The following RERE variants were observed in gnomAD, a reference collection of about 807,000 sequenced individuals.
The protein encoded by RERE is arginine-glutamic acid dipeptide repeats protein.
In RERE, 40 loss-of-function variants were observed where a neutral mutation model predicts 146.1. The ratio of observed to expected loss-of-function variants is 0.27; its 90% confidence interval spans 0.21 to 0.36. The LOEUF is 0.36. RERE is among the 10% of genes least tolerant of loss of function. The pLI, the probability that RERE is intolerant of heterozygous loss-of-function variation, is 1.00. For missense variants in RERE, 1,933 were observed against 2,138.7 expected (o/e 0.90, Z 1.90); for synonymous variants, 1,003 against 866.0 (o/e 1.16, Z -2.78).
rs1194707622 is a variant in RERE at position 8,361,402 on chromosome 1, T to C, written c.2105A>G (p.Lys702Arg). The change falls in exon 18 of 23, where the codon AAA (lysine) becomes AGA (arginine). Residue 702 changes from lysine (K) to arginine (R), a missense_variant. Lys to Arg is a conservative substitution (Grantham distance 26, BLOSUM62 2). Coordinates refer to ENST00000400908, the MANE Select transcript of RERE (RefSeq NM_001042681.2). ...GCTGCGATTGTCCTGGTCGATGTCTTTGGGGTCACTGCTACCCTCATCGTT... is the reference window on the plus strand; with the variant it reads ...GCTGCGATTGTCCTGGTCGATGTCTCTGGGGTCACTGCTACCCTCATCGTT... ...SVNDEGSSDP[K>R]DIDQDNRSTS... is the part of the protein sequence containing the mutation. The C allele has an allele frequency of 3.1e-6, 5 of 1,613,812 alleles. No individual in the cohort carries two copies. The highest frequency in any genetic ancestry group is 3.3e-5 in the Admixed American group (2 of 60,002).
intron 1 of RERE, among the ~76,000 whole-genome samples, chr1:8,686,580 T>C (rs1403251617): frequency 3.3e-5 from 5 of 152,086 alleles, no homozygotes; most frequent in African/African-American, 1.2e-4. Context: ...TGAAACCCCA[T>C]CTCCACTAAA....
At chr1:8,620,735 T>C (rs1199051108) in intron 3 of RERE, among the ~76,000 whole-genome samples, 1 of 151,748 alleles carries the variant, frequency 6.6e-6, no homozygotes, top group African/African-American at 2.4e-5. Flanking sequence ...AATACTTCTT[T>C]CTCCTGCTTC....
At chr1:8,431,461 A>G (rs1340302692) in intron 11 of RERE, among the ~76,000 whole-genome samples, 2 of 152,160 alleles carry the variant, frequency 1.3e-5, no homozygotes, top group Non-Finnish European at 2.9e-5. Context: ...CTGATTCTAC[A>G]TTATAGGGAG....
rs545659799 is a variant in RERE at position 8,529,801 on chromosome 1, C to G, written c.830+11413G>C. 3.0e-4 allele frequency among the ~76,000 whole-genome samples: 45 copies of G among 152,276 alleles called. 2 individuals are homozygous for G. In the South Asian group the frequency reaches 9.1e-3, roughly 31 times the overall value. On this transcript the variant is annotated intron_variant, in intron 7 of 22. Coordinates refer to ENST00000400908, the MANE Select transcript of RERE (RefSeq NM_001042681.2). The stretch of plus-strand genomic sequence containing the variant: ...AGAGAATCTCAAGGAGTCTTGAAAC[C>G]GAGCAGTTCCATAATTAGGTTAGCC...
chr1:8,797,166 G>A (rs1335376347), intron 1 of RERE, among the ~76,000 whole-genome samples: 2 of 152,106 alleles, frequency 1.3e-5, no homozygotes, highest in Admixed American at 6.5e-5. Flanking sequence ...TTGAGGCCAG[G>A]AGTTCAAGAC....
At chr1:8,746,764 G>A (rs1209921599) in intron 1 of RERE, among the ~76,000 whole-genome samples, 1 of 150,610 alleles carries the variant, frequency 6.6e-6, no homozygotes, top group Admixed American at 6.6e-5. Context: ...ACAGCAAGAA[G>A]GCCTGTGTGG....
At chr1:8,404,859 GCTTGGCTC>G (rs1643393885) in intron 12 of RERE, among the ~76,000 whole-genome samples, 1 of 152,162 alleles carries the variant, frequency 6.6e-6, no homozygotes, top group Non-Finnish European at 1.5e-5. Flanking sequence ...AGTCCTGAAA[GCTTGGCTC>G]CTCACCCCAC....
chr1:8,814,396 G>A (rs924322890), intron 1 of RERE, among the ~76,000 whole-genome samples: 3 of 152,060 alleles, frequency 2.0e-5, no homozygotes, highest in African/African-American at 7.2e-5. Flanking sequence ...CAAGCCTTTG[G>A]GCAACAATTT....
At chr1:8,765,889 T>C (rs1231508654) in intron 1 of RERE, among the ~76,000 whole-genome samples, 1 of 151,864 alleles carries the variant, frequency 6.6e-6, no homozygotes, top group Non-Finnish European at 1.5e-5. Context: ...GAGTCGGAGG[T>C]TGCAGTGAGT....
At chr1:8,539,056 T>C (rs760193254) in intron 7 of RERE, among the ~76,000 whole-genome samples, 57 of 152,350 alleles carry the variant, frequency 3.7e-4, no homozygotes, top group Non-Finnish European at 7.6e-4. Context: ...GGTTAGTTGT[T>C]ACAAACCTGA....
chr1:8,808,147 CAAAAAAAA>C (rs778069782), intron 1 of RERE, among the ~76,000 whole-genome samples: 2 of 53,170 alleles, frequency 3.8e-5, no homozygotes, highest in East Asian at 5.8e-4. Flanking sequence ...GACCTTGTCT[CAAAAAAAA>C]AAAAAAAAAA....
intron 1 of RERE, among the ~76,000 whole-genome samples, chr1:8,801,850 A>G (rs925681824): frequency 8.5e-5 from 13 of 152,348 alleles, no homozygotes; most frequent in East Asian, 5.8e-4. Flanking sequence ...ATGCGAACCA[A>G]AGAGTCTGAG....
At chr1:8,684,324 A>G (rs1020845212) in intron 1 of RERE, among the ~76,000 whole-genome samples, 4 of 152,196 alleles carry the variant, frequency 2.6e-5, no homozygotes, top group Non-Finnish European at 5.9e-5. Flanking sequence ...TATCCACTTT[A>G]ATTACAGGAA....
chr1:8,365,966 C>A lies in RERE; in HGVS notation c.1293G>T (p.Leu431=). The A allele has an allele frequency of 6.2e-7, 1 of 1,613,278 alleles. No individual in the cohort carries two copies. Among genetic ancestry groups the A allele is most frequent in the South Asian group, 1.1e-5 (1 of 91,030 alleles). Residue 431 remains leucine, a synonymous_variant, in exon 13 of 23, where the codon CTG becomes CTT. Transcript: ENST00000400908. The stretch of plus-strand genomic sequence containing the variant: ...TCTTCCAATAGTAATAGAAGGTGAT[C>A]AGCTCCCCCTGCAGAAGAGAAGGGC... ...ELLPNKETGE[L]ITFYYYWKKT...
intron 3 of RERE, 34 bp from the exon 4 acceptor site, chr1:8,614,720 C>G: frequency 6.3e-7 from 1 of 1,585,890 alleles, no homozygotes; most frequent in Non-Finnish European, 8.6e-7. Context: ...TTAACGTGCC[C>G]AACGCCCCAT....
chr1:8,668,004 A>G (rs1638618471), intron 1 of RERE, among the ~76,000 whole-genome samples: 1 of 152,234 alleles, frequency 6.6e-6, no homozygotes, highest in Admixed American at 6.5e-5. Context: ...TGAGAACTAC[A>G]AAAATATCTC....
intron 1 of RERE, among the ~76,000 whole-genome samples, chr1:8,808,551 GTAT>G (rs1265650010): frequency 1.3e-5 from 2 of 152,102 alleles, no homozygotes; most frequent in Admixed American, 6.6e-5. Context: ...AAACCCACGA[GTAT>G]TATTATTATC....
intron 6 of RERE, 122 bp downstream of exon 6, chr1:8,556,353 C>T (rs1646006567): frequency 8.1e-6 from 5 of 616,264 alleles, no homozygotes; most frequent in Non-Finnish European, 1.5e-5. Context: ...GGCATGTTCA[C>T]TGAGGCCAAA....
chr1:8,776,002 A>C (rs1641056813), intron 1 of RERE, among the ~76,000 whole-genome samples: 1 of 152,178 alleles, frequency 6.6e-6, no homozygotes, highest in Admixed American at 6.5e-5. Flanking sequence ...CTGCCTCTCA[A>C]ACCCAGGCTA....
Sources: allele counts gnomAD v4.1 joint callset (sites outside exome capture counted in the v4.1 genomes callset), GRCh38; gene constraint gnomAD v4.1.1; transcripts MANE v1.5; gene names NCBI Gene and HGNC (gene_info 2026-07-23, HGNC 2026-07-21).